Variants in CPXM2 observed in about 807,000 individuals in gnomAD.
The protein encoded by CPXM2 is carboxypeptidase X, M14 family member 2.
CPXM2 carries 66 observed loss-of-function variants against 86.1 expected under a neutral mutation model. That is an observed-to-expected ratio of 0.77 (90% CI 0.63 to 0.94). The LOEUF is 0.94. CPXM2 is among the 40% of genes least tolerant of loss of function. The pLI is 0.00. For missense variants in CPXM2, 948 were observed against 1,026.3 expected (o/e 0.92, Z 1.04); for synonymous variants, 388 against 400.2 (o/e 0.97, Z 0.36).
At chr10:123,822,396 C>A (rs1265399859) in intron 4 of CPXM2, among the ~76,000 whole-genome samples, 1 of 152,176 alleles carries the variant, frequency 6.6e-6, no homozygotes, top group Non-Finnish European at 1.5e-5. Context: ...AATCCCAAAG[C>A]AAACCTAGAG....
At chr10:123,875,824 T>C (rs2134222113) in intron 2 of CPXM2, among the ~76,000 whole-genome samples, 1 of 141,126 alleles carries the variant, frequency 7.1e-6, no homozygotes, top group East Asian at 2.0e-4. Context: ...TTTTTTTTTT[T>C]TTTTTTTGGT....
At chr10:123,859,740 G>A (rs1031357994) in intron 3 of CPXM2, among the ~76,000 whole-genome samples, 13 of 152,188 alleles carry the variant, frequency 8.5e-5, no homozygotes, top group African/African-American at 3.1e-4. Flanking sequence ...CCCCATGCAC[G>A]GCCTCCTTTT....
chr10:123,918,368 G>C (rs573341419), intron 2 of CPXM2, among the ~76,000 whole-genome samples: 1 of 152,246 alleles, frequency 6.6e-6, no homozygotes, highest in South Asian at 2.1e-4. Context: ...CTCTTCTACT[G>C]GTTACAACTA....
intron 6 of CPXM2, among the ~76,000 whole-genome samples, chr10:123,795,633 A>C (rs1847319636): frequency 6.6e-6 from 1 of 152,084 alleles, no homozygotes; most frequent in East Asian, 1.9e-4. Flanking sequence ...ATCCTTGGAC[A>C]TGATGACCCC....
upstream of CPXM2, among the ~76,000 whole-genome samples, chr10:123,895,761 C>T (rs1945333060): frequency 6.6e-6 from 1 of 152,202 alleles, no homozygotes; most frequent in Non-Finnish European, 1.5e-5. Flanking sequence ...ACCAGACACA[C>T]CAGTCGGGGG....
intron 7 of CPXM2, among the ~76,000 whole-genome samples, chr10:123,778,274 A>C (rs1846848232): frequency 6.6e-6 from 1 of 152,220 alleles, no homozygotes; most frequent in African/African-American, 2.4e-5. Flanking sequence ...TGAGGGAGAA[A>C]GATTTCTACA....
intron 1 of CPXM2, among the ~76,000 whole-genome samples, chr10:123,882,514 C>CA (rs1321903997): frequency 1.3e-5 from 2 of 152,070 alleles, no homozygotes; most frequent in Non-Finnish European, 2.9e-5. Flanking sequence ...TTGGATTTTT[C>CA]AGAAACATAA....
intron 4 of CPXM2, among the ~76,000 whole-genome samples, chr10:123,811,289 C>A (rs1221700420): frequency 6.6e-6 from 1 of 151,994 alleles, no homozygotes; most frequent in Non-Finnish European, 1.5e-5. Context: ...CTAATGCTAT[C>A]CCTCCCGCCT....
intron 2 of CPXM2, among the ~76,000 whole-genome samples, chr10:123,875,906 T>A (rs1056588036): frequency 2.1e-5 from 3 of 139,910 alleles, no homozygotes; most frequent in African/African-American, 8.0e-5. Context: ...AACCTCCGCC[T>A]CCTGGGTTCA....
chr10:123,817,992 A>G (rs945638430), intron 4 of CPXM2, among the ~76,000 whole-genome samples: 4 of 152,218 alleles, frequency 2.6e-5, no homozygotes, highest in African/African-American at 7.2e-5. Context: ...GCTGTAGCCA[A>G]TGGTTTGGCT....
At chr10:123,854,362 ATATATATATAT>A (rs1205351325) in intron 3 of CPXM2, among the ~76,000 whole-genome samples, 10 of 113,904 alleles carry the variant, frequency 8.8e-5, no homozygotes, top group African/African-American at 8.5e-5. Context: ...ATATATAAAA[ATATATATATAT>A]AATATATATA....
intron 2 of CPXM2, among the ~76,000 whole-genome samples, chr10:123,876,001 G>A (rs28692617): frequency 9.2e-5 from 14 of 151,694 alleles, no homozygotes; most frequent in African/African-American, 3.4e-4. Flanking sequence ...ATTTTTAGTA[G>A]AGACAAGGTT....
In CPXM2 at chr10:123,749,602, C is replaced by G. The variant is rs1846032102; in HGVS notation, c.2018-2585G>C. Reference sequence around the variant, plus strand: ...CCTCTGGGGTCCCAGTTCCTGCCCTCCCCTATTGTATCTCACACCCCTTTG... The same window carrying G: ...CCTCTGGGGTCCCAGTTCCTGCCCTGCCCTATTGTATCTCACACCCCTTTG... On this transcript the variant is annotated intron_variant, in intron 13 of 13. Transcript: ENST00000241305. Among the ~76,000 whole-genome samples, 4 of 152,210 alleles carry G rather than the reference C, an allele frequency of 2.6e-5. No individual in the cohort carries two copies. The South Asian group carries it at 8.3e-4, about 32-fold the overall frequency.
intron 2 of CPXM2, among the ~76,000 whole-genome samples, chr10:123,928,862 C>CA (rs1344657750): frequency 6.6e-6 from 1 of 150,856 alleles, no homozygotes; most frequent in Admixed American, 6.6e-5. Flanking sequence ...TACTGGTTCA[C>CA]AAAATCCATG....
Position 123,908,855 on chromosome 10 carries a change from T to C in CPXM2, n.175-28546A>G, listed in dbSNP as rs140966103. On this transcript the variant is annotated intron_variant and non_coding_transcript_variant, in intron 2 of 19. Coordinates refer to the CPXM2 transcript ENST00000368854. ...TTATACATTTGTTAAATGTACAATC[T>C]ATAAATCAGCAGTGTACAATCAACA... is the stretch of plus-strand genomic sequence containing the variant. 2.4e-3 allele frequency among the ~76,000 whole-genome samples: 366 copies of C among 152,272 alleles called. 1 individual carries two copies. The highest frequency in any genetic ancestry group is 8.1e-3 in the African/African-American group (336 of 41,550).
At chr10:123,923,416 T>C (rs926835818) in intron 2 of CPXM2, among the ~76,000 whole-genome samples, 3 of 40,176 alleles carry the variant, frequency 7.5e-5, no homozygotes, top group African/African-American at 6.9e-4. Flanking sequence ...CCGTCTCTAC[T>C]AAAAATACAA....
At chr10:123,791,552 G>A (rs748478086) in intron 6 of CPXM2, among the ~76,000 whole-genome samples, 7 of 152,160 alleles carry the variant, frequency 4.6e-5, no homozygotes, top group African/African-American at 1.4e-4. Flanking sequence ...ACATCACTCC[G>A]ATCTCCACCT....
At chr10:123,753,165 G>A (rs980420068) in intron 13 of CPXM2, among the ~76,000 whole-genome samples, 9 of 152,232 alleles carry the variant, frequency 5.9e-5, no homozygotes, top group East Asian at 1.9e-4. Context: ...GGACAGAGGC[G>A]CCGCAGTGAT....
intron 3 of CPXM2, among the ~76,000 whole-genome samples, chr10:123,846,265 C>T (rs984392142): frequency 2.0e-5 from 3 of 152,186 alleles, no homozygotes; most frequent in Admixed American, 6.5e-5. Flanking sequence ...AGCCTGAGCT[C>T]GTTTTCCTGC....
Sources: gnomAD v4.1 joint callset for allele counts (sites outside exome capture counted in the v4.1 genomes callset) on GRCh38, gnomAD v4.1.1 for gene constraint, MANE v1.5 for transcripts, NCBI Gene and HGNC (gene_info 2026-07-23, HGNC 2026-07-21) for gene names.